The following UCHL3 variants were observed in gnomAD, a reference collection of about 807,000 sequenced individuals.
UCHL3 encodes the protein ubiquitin C-terminal hydrolase L3, also known as ubiquitin carboxyl-terminal hydrolase isozyme L3.
UCHL3 carries 22 observed loss-of-function variants against 35.8 expected under a neutral mutation model. The observed-to-expected ratio is 0.61, with a 90% CI of 0.44 to 0.88. The LOEUF is 0.88. Among genes scored for constraint, UCHL3 ranks in the 40% least tolerant of loss-of-function variants. The pLI is 0.00. For missense variants in UCHL3, 229 were observed against 276.9 expected, an observed-to-expected ratio of 0.83 and a Z score of 1.23; for synonymous variants, 90 against 92.8, an observed-to-expected ratio of 0.97 and a Z score of 0.17.
rs371408920 is a variant in UCHL3 at position 75,594,947 on chromosome 13, T to C, written c.507T>C (p.His169=). The C allele has an allele frequency of 9.9e-6, 16 of 1,609,238 alleles. No individual in the cohort carries two copies. Among genetic ancestry groups the C allele is most frequent in the Non-Finnish European group, 1.2e-5 (14 of 1,178,880 alleles). The part of the protein sequence containing the change: ...APSIDEKVDL[H]FIALVHVDGH... Reference sequence around the variant, plus strand: ...GTATAGATGAGAAAGTAGATCTTCATTTTATTGCATTAGTTCATGTAGATG... The same window carrying C: ...GTATAGATGAGAAAGTAGATCTTCACTTTATTGCATTAGTTCATGTAGATG... Residue 169 remains histidine (H), a synonymous_variant, in exon 7 of 9, where the codon CAT becomes CAC. Transcript: ENST00000377595.
chr13:75,575,477 A>G (rs1434885526), intron 6 of UCHL3, among the ~76,000 whole-genome samples: 11 of 152,192 alleles, frequency 7.2e-5, no homozygotes, highest in Admixed American at 7.2e-4. Flanking sequence ...TTTGTACTTT[A>G]TTCTAGATAG....
chr13:75,592,415 CATATATATAT>C (rs546657200), intron 6 of UCHL3, among the ~76,000 whole-genome samples: 82 of 40,606 alleles, frequency 2.0e-3, no homozygotes, highest in African/African-American at 6.0e-3. Context: ...ATTTTTCCTT[CATATATATAT>C]ATATATATAT....
chr13:75,605,558 C>G (rs994341246), intron 8 of UCHL3, among the ~76,000 whole-genome samples, 171 bp from the exon 9 acceptor site: 1 of 152,036 alleles, frequency 6.6e-6, no homozygotes, highest in Non-Finnish European at 1.5e-5. Context: ...TACTTTTGTA[C>G]AAAGCAAATT....
intron 2 of UCHL3, among the ~76,000 whole-genome samples, chr13:75,558,076 C>T (rs562813589): frequency 6.6e-6 from 1 of 152,038 alleles, no homozygotes; most frequent in South Asian, 2.1e-4. Context: ...CAGATAGCTT[C>T]TGGTGAGCCT....
intron 6 of UCHL3, among the ~76,000 whole-genome samples, chr13:75,570,189 G>T (rs986515641): frequency 6.6e-6 from 1 of 152,164 alleles, no homozygotes; most frequent in Non-Finnish European, 1.5e-5. Flanking sequence ...TAATACCAGA[G>T]AATTAGAGGT....
intron 7 of UCHL3, among the ~76,000 whole-genome samples, chr13:75,601,814 GTT>G (rs1333302111): frequency 6.6e-6 from 1 of 152,116 alleles, no homozygotes; most frequent in African/African-American, 2.4e-5. Context: ...TTTTTAAAAA[GTT>G]TTTATTTCTG....
chr13:75,583,815 A>C (rs2032251016), intron 6 of UCHL3, among the ~76,000 whole-genome samples: 1 of 152,234 alleles, frequency 6.6e-6, no homozygotes, highest in Admixed American at 6.5e-5. Context: ...ATGGGTAATG[A>C]AACAAAATAG....
intron 6 of UCHL3, among the ~76,000 whole-genome samples, chr13:75,575,392 T>C (rs890524176): frequency 6.6e-6 from 1 of 152,224 alleles, no homozygotes; most frequent in African/African-American, 2.4e-5. Context: ...GAGGAAACAA[T>C]GAGGAAATTA....
chr13:75,570,366 G>A (rs1027998061), intron 6 of UCHL3, among the ~76,000 whole-genome samples: 2 of 151,980 alleles, frequency 1.3e-5, no homozygotes, highest in African/African-American at 2.4e-5. Context: ...CTCCCGAGTC[G>A]CTGGAACTAC....
chr13:75,567,340 CAT>C (rs1182323587), intron 5 of UCHL3, 28 bp downstream of exon 5: 3 of 1,603,106 alleles, frequency 1.9e-6, no homozygotes, highest in South Asian at 2.2e-5. Flanking sequence ...GTTTTGATCT[CAT>C]GTGGGCAAAA....
At chr13:75,598,067 C>T (rs1407309575) in intron 7 of UCHL3, among the ~76,000 whole-genome samples, 7 of 152,126 alleles carry the variant, frequency 4.6e-5, no homozygotes, top group African/African-American at 7.2e-5. Flanking sequence ...ATTGAACAAT[C>T]AGATTAAAAA....
chr13:75,604,885 T>C, intron 8 of UCHL3, 58 bp downstream of exon 8: 1 of 1,404,062 alleles, frequency 7.1e-7, no homozygotes, highest in Non-Finnish European at 9.7e-7. Context: ...TTAAAACATC[T>C]CTAAAGGTCA....
At chr13:75,580,881 A>G (rs190749910) in intron 6 of UCHL3, among the ~76,000 whole-genome samples, 1 of 152,368 alleles carries the variant, frequency 6.6e-6, no homozygotes, top group Non-Finnish European at 1.5e-5. Context: ...GAAACTAAAT[A>G]AAATGAGGTT....
At chr13:75,601,365 AAAAG>A (rs1187618698) in intron 7 of UCHL3, among the ~76,000 whole-genome samples, 1 of 152,226 alleles carries the variant, frequency 6.6e-6, no homozygotes, top group African/African-American at 2.4e-5. Flanking sequence ...AATCTTTCAT[AAAAG>A]AAAGAGTCAA....
chr13:75,557,067 T>C (rs1182644656), intron 2 of UCHL3, among the ~76,000 whole-genome samples: 1 of 152,036 alleles, frequency 6.6e-6, no homozygotes, highest in African/African-American at 2.4e-5. Context: ...TAAAAAAATT[T>C]AGCTGGCTGT....
At chr13:75,596,848 A>G (rs2032658502) in intron 7 of UCHL3, among the ~76,000 whole-genome samples, 3 of 150,650 alleles carry the variant, frequency 2.0e-5, no homozygotes, top group Admixed American at 2.0e-4. Flanking sequence ...GGAGCATGCC[A>G]AGATCAACAC....
chr13:75,568,208 A>C (rs1056786655), intron 5 of UCHL3, among the ~76,000 whole-genome samples: 4 of 152,270 alleles, frequency 2.6e-5, no homozygotes, highest in Non-Finnish European at 5.9e-5. Context: ...ACATTATTAA[A>C]TAGATTGTAA....
intron 7 of UCHL3, among the ~76,000 whole-genome samples, chr13:75,604,226 G>A (rs1023827284): frequency 6.6e-6 from 1 of 152,120 alleles, no homozygotes; most frequent in Non-Finnish European, 1.5e-5. Flanking sequence ...TATTGAAAAA[G>A]TACTAGTTTA....
chr13:75,556,349 A>G (rs541743987), intron 2 of UCHL3, among the ~76,000 whole-genome samples: 1 of 152,270 alleles, frequency 6.6e-6, no homozygotes, highest in South Asian at 2.1e-4. Flanking sequence ...CATTTAACTA[A>G]TAGTTATTCT....
Sources: gnomAD v4.1 joint callset for allele counts (sites outside exome capture counted in the v4.1 genomes callset) on GRCh38, gnomAD v4.1.1 for gene constraint, MANE v1.5 for transcripts, NCBI Gene and HGNC (gene_info 2026-07-23, HGNC 2026-07-21) for gene names.